Variants in SH2D4A observed in about 807,000 individuals in gnomAD.
The protein encoded by SH2D4A is SH2 domain containing 4A.
A neutral mutation model predicts 64.7 loss-of-function variants in SH2D4A; 70 were observed. The ratio of observed to expected loss-of-function variants is 1.08; its 90% CI spans 0.89 to 1.32. The LOEUF (loss-of-function observed/expected upper bound fraction) is 1.32. SH2D4A is among the 40% of genes most tolerant of loss of function. SH2D4A has a pLI of 0.00. For missense variants in SH2D4A, 706 were observed against 540.1 expected (o/e 1.31, Z -3.04); for synonymous variants, 268 against 200.7 (o/e 1.34, Z -2.83).
At position 19,361,312 on chromosome 8, in the gene SH2D4A, C is replaced by A. The variant is rs1296514138; in HGVS notation, c.704C>A (p.Ser235Tyr). ...AAAGAAGACTCGGAATGGCAGGCAT[C>A]TCGTGAGTACCCAGAGGTCTCCATA... ...SWKEDSEWQA[S>Y]LRKSKAADEK... Residue 235 changes from serine (S) to tyrosine (Y), a missense_variant and splice_region_variant, in exon 6 of 10, where the codon TCT (serine) becomes TAT (tyrosine). Coordinates refer to ENST00000265807, the MANE Select transcript of SH2D4A (RefSeq NM_022071.4). 3.1e-6 allele frequency: 5 copies of A among 1,608,706 alleles called. No individual in the cohort carries two copies. The highest frequency in any genetic ancestry group is 1.3e-5 in the African/African-American group (1 of 74,452).
At chr8:19,387,642 AAAGT>A (rs749848244) in intron 8 of SH2D4A, among the ~76,000 whole-genome samples, 14 of 152,110 alleles carry the variant, frequency 9.2e-5, no homozygotes, top group African/African-American at 1.7e-4. Context: ...ATGCCAAGGG[AAAGT>A]AAGTAAGTAA....
intron 8 of SH2D4A, among the ~76,000 whole-genome samples, chr8:19,377,322 C>G (rs905066319): frequency 6.6e-6 from 1 of 152,208 alleles, no homozygotes; most frequent in Non-Finnish European, 1.5e-5. Flanking sequence ...GCGGAGCTGG[C>G]AGTCAGCCTA....
At chr8:19,363,893 G>T (rs941716903) in intron 6 of SH2D4A, 179 bp from the exon 7 acceptor site, 1 of 621,618 alleles carries the variant, frequency 1.6e-6, no homozygotes, top group African/African-American at 1.8e-5. Context: ...ATCCTGCAGC[G>T]AACGCTGGGC....
intron 7 of SH2D4A, 97 bp downstream of exon 7, chr8:19,364,379 G>A (rs1051843577): frequency 7.3e-7 from 1 of 1,361,904 alleles, no homozygotes; most frequent in Non-Finnish European, 1.0e-6. Context: ...GCCATGGGGT[G>A]TGGAGGGCCA....
chr8:19,364,742 C>T (rs535766848), intron 7 of SH2D4A, among the ~76,000 whole-genome samples: 3 of 152,210 alleles, frequency 2.0e-5, no homozygotes, highest in Admixed American at 6.5e-5. Flanking sequence ...AGTACATTTT[C>T]ACTGCCAAGG....
chr8:19,394,705 C>A lies in SH2D4A; in HGVS notation c.*63C>A. ...GCTTTCCCCTGGACAAATGCCACTG[C>A]AACATTTATGTGTGAAGCCAAAATC... On this transcript the variant is annotated 3_prime_UTR_variant, in exon 10 of 10. Coordinates refer to ENST00000265807, the MANE Select transcript of SH2D4A (RefSeq NM_022071.4). The A allele has an allele frequency of 7.5e-7, 1 of 1,333,608 alleles. No individual in the cohort carries two copies. The highest frequency in any genetic ancestry group is 1.0e-6 in the Non-Finnish European group (1 of 965,220). The allele number at this position is 1,333,608 out of a possible 1,614,324, so 82.6% of individuals were successfully genotyped here.
At chr8:19,324,964 T>A (rs1316330080) in intron 2 of SH2D4A, among the ~76,000 whole-genome samples, 1 of 152,148 alleles carries the variant, frequency 6.6e-6, no homozygotes, top group East Asian at 1.9e-4. Context: ...CAAACCCAGA[T>A]TGCCAAGCCA....
chr8:19,394,404 A>G, intron 9 of SH2D4A, 146 bp from the exon 10 acceptor site: 3 of 533,784 alleles, frequency 5.6e-6, no homozygotes, highest in South Asian at 3.1e-5. Context: ...TCACATGTAG[A>G]TAAGAAAAAT....
intron 2 of SH2D4A, among the ~76,000 whole-genome samples, 189 bp downstream of exon 2, chr8:19,319,917 C>T (rs1303426142): frequency 2.0e-5 from 3 of 152,158 alleles, no homozygotes; most frequent in Admixed American, 2.0e-4. Flanking sequence ...ACAGCATTCA[C>T]CATGGAGTTG....
intron 6 of SH2D4A, among the ~76,000 whole-genome samples, chr8:19,361,525 C>G (rs1018979499): frequency 2.0e-5 from 3 of 152,070 alleles, no homozygotes; most frequent in Non-Finnish European, 4.4e-5. Context: ...TTCTGTATCA[C>G]CAAAATTATG....
intron 8 of SH2D4A, among the ~76,000 whole-genome samples, chr8:19,390,437 A>G (rs2053472365): frequency 6.6e-6 from 1 of 152,176 alleles, no homozygotes; most frequent in Admixed American, 6.5e-5. Flanking sequence ...TTTGTGCTCA[A>G]GAATTCCCTA....
At chr8:19,345,711 A>C (rs1299505983) in intron 4 of SH2D4A, among the ~76,000 whole-genome samples, 1 of 152,206 alleles carries the variant, frequency 6.6e-6, no homozygotes, top group Non-Finnish European at 1.5e-5. Context: ...CTGCCATGCA[A>C]CAGTTTCTGT....
intron 2 of SH2D4A, among the ~76,000 whole-genome samples, chr8:19,320,442 T>C (rs890752310): frequency 1.3e-5 from 2 of 151,898 alleles, no homozygotes; most frequent in Admixed American, 6.6e-5. Flanking sequence ...CCTGGAAATA[T>C]AGTGAGACCT....
At chr8:19,320,556 C>T (rs1308051791) in intron 2 of SH2D4A, among the ~76,000 whole-genome samples, 4 of 142,002 alleles carry the variant, frequency 2.8e-5, no homozygotes, top group African/African-American at 1.1e-4. Flanking sequence ...CTCAGGAGAT[C>T]GAGGCCACAC....
At chr8:19,335,431 T>C (rs780465935) in intron 4 of SH2D4A, among the ~76,000 whole-genome samples, 1 of 152,218 alleles carries the variant, frequency 6.6e-6, no homozygotes, top group Non-Finnish European at 1.5e-5. Context: ...CATTTTAAGA[T>C]ATTTTCAGGT....
At chr8:19,387,976 G>T (rs1486766345) in intron 8 of SH2D4A, among the ~76,000 whole-genome samples, 1 of 152,180 alleles carries the variant, frequency 6.6e-6, no homozygotes, top group Non-Finnish European at 1.5e-5. Flanking sequence ...GTCCTCAGCA[G>T]CATGAATGCT....
intron 2 of SH2D4A, among the ~76,000 whole-genome samples, chr8:19,326,719 G>T (rs150235133): frequency 6.6e-6 from 1 of 152,028 alleles, no homozygotes; most frequent in East Asian, 1.9e-4. Context: ...CCCCCCTCTC[G>T]CACACACGTC....
Position 19,364,200 on chromosome 8 carries a change from GT to G in SH2D4A, c.837del (p.Pro280ArgfsTer16), listed in dbSNP as rs1429608179. The G allele has an allele frequency of 2.5e-6, 4 of 1,614,068 alleles. No individual in the cohort carries two copies. The highest frequency in any genetic ancestry group is 3.4e-6 in the Non-Finnish European group (4 of 1,180,026). On this transcript the variant is annotated frameshift_variant, in exon 7 of 10. Coordinates refer to ENST00000265807, the MANE Select transcript of SH2D4A (RefSeq NM_022071.4). LOFTEE classifies it high-confidence loss of function. ...TGAGAGGCTGCAAAGCCCCTTGCGT[GT>G]TCCGCAGAAACCAGAAAGACCTCCC... The part of the protein sequence containing the change: ...GGERLQSPLR[V>X]PQKPERPPLP...
At chr8:19,323,677 G>A (rs531633243) in intron 2 of SH2D4A, among the ~76,000 whole-genome samples, 6 of 152,196 alleles carry the variant, frequency 3.9e-5, no homozygotes, top group Admixed American at 3.3e-4. Context: ...CAGGGCACCC[G>A]GCCTCCTTTT....
Sources: allele counts gnomAD v4.1 joint callset (sites outside exome capture counted in the v4.1 genomes callset), GRCh38; gene constraint gnomAD v4.1.1; transcripts MANE v1.5; gene names NCBI Gene and HGNC (gene_info 2026-07-23, HGNC 2026-07-21).